ZFHX3: variants seen among roughly 807,000 people sequenced by gnomAD.
ZFHX3 encodes the protein zinc finger homeobox 3.
In ZFHX3, 42 loss-of-function variants were observed where a neutral mutation model predicts 279.1. The ratio of observed to expected loss-of-function variants is 0.15; its 90% CI spans 0.12 to 0.19. ZFHX3 has a LOEUF of 0.19. ZFHX3 is among the 10% of genes least tolerant of loss of function. The pLI, the probability that ZFHX3 is intolerant of heterozygous loss-of-function variation, is 1.00. For synonymous variants in ZFHX3, 2,293 were observed against 1,957.8 expected (o/e 1.17, Z -4.52); for missense variants, 4,981 against 4,754.0 (o/e 1.05, Z -1.40).
At chr16:73,419,894 T>G (rs1385943044) in intron 3 of ZFHX3, among the ~76,000 whole-genome samples, 1 of 150,876 alleles carries the variant, frequency 6.6e-6, no homozygotes, top group Non-Finnish European at 1.5e-5. Flanking sequence ...AACATATATA[T>G]ATATAGATAG....
intron 2 of ZFHX3, among the ~76,000 whole-genome samples, chr16:73,521,314 G>T (rs751079166): frequency 6.6e-6 from 1 of 152,144 alleles, no homozygotes; most frequent in Non-Finnish European, 1.5e-5. Context: ...AAAGGGTTTA[G>T]AATGGAGTTT....
intron 1 of ZFHX3, among the ~76,000 whole-genome samples, chr16:73,887,107 T>C (rs1411526030): frequency 3.9e-5 from 6 of 152,168 alleles, no homozygotes; most frequent in Non-Finnish European, 8.8e-5. Context: ...AAAATTGGGA[T>C]TGGGCGATGG....
intron 2 of ZFHX3, among the ~76,000 whole-genome samples, chr16:73,482,790 C>A (rs1490084187): frequency 6.6e-6 from 1 of 152,168 alleles, no homozygotes; most frequent in Non-Finnish European, 1.5e-5. Context: ...ACCATTAGCT[C>A]AGTATTATTT....
At chr16:73,032,865 A>G (rs1471383351) in intron 1 of ZFHX3, among the ~76,000 whole-genome samples, 1 of 152,198 alleles carries the variant, frequency 6.6e-6, no homozygotes, top group Admixed American at 6.5e-5. Flanking sequence ...CTTTAAGCAT[A>G]TAAAACCGGA....
intron 3 of ZFHX3, among the ~76,000 whole-genome samples, chr16:72,900,121 A>G (rs1000876848): frequency 5.5e-5 from 7 of 127,262 alleles, no homozygotes; most frequent in Admixed American, 4.5e-4. Context: ...CCAAAGCTTA[A>G]GCCCATGCCC....
intron 3 of ZFHX3, among the ~76,000 whole-genome samples, chr16:73,335,969 T>G (rs1005849936): frequency 6.6e-6 from 1 of 152,230 alleles, no homozygotes; most frequent in Non-Finnish European, 1.5e-5. Flanking sequence ...ACAGATTCTT[T>G]TTCTTCTAGT....
intron 2 of ZFHX3, among the ~76,000 whole-genome samples, chr16:73,513,904 T>C (rs1028386757): frequency 6.6e-6 from 1 of 151,962 alleles, no homozygotes; most frequent in African/African-American, 2.4e-5. Context: ...CTATGCCAGA[T>C]GATTAGTTTC....
rs140213147 is a variant in ZFHX3, at chr16:73,300,534, C to G, written c.-1194+17706G>C. On this transcript the variant is annotated intron_variant, in intron 4 of 17. Transcript: ENST00000641206. ...CTTTTTTTTTTTTTGGACAGAATCT[C>G]ACTCTGTCACCCAGGCTGGAATGCA... is the stretch of plus-strand genomic sequence containing the variant. Among the ~76,000 whole-genome samples the G allele has an allele frequency of 6.5e-3, 983 of 151,410 alleles. 13 individuals carry two copies. Among genetic ancestry groups the G allele is most frequent in the African/African-American group, 0.022 (920 of 41,252 alleles).
At chr16:73,487,193 C>T (rs541333941) in intron 2 of ZFHX3, among the ~76,000 whole-genome samples, 2 of 152,194 alleles carry the variant, frequency 1.3e-5, no homozygotes, top group South Asian at 4.1e-4. Flanking sequence ...AGAGGATTCC[C>T]GAGTGGAGGT....
intron 4 of ZFHX3, among the ~76,000 whole-genome samples, chr16:72,879,652 C>T (rs574938496): frequency 2.6e-5 from 4 of 152,130 alleles, no homozygotes; most frequent in Non-Finnish European, 5.9e-5. Context: ...TCTCCAATAC[C>T]TGAGCTCTAG....
chr16:73,726,426 T>C lies in ZFHX3; in HGVS notation c.-1607-46186A>G, dbSNP rs558562612. Among the ~76,000 whole-genome samples the C allele has an allele frequency of 4.6e-5, 7 of 152,328 alleles. No homozygotes were observed. In the South Asian group the frequency reaches 1.5e-3, roughly 32 times the overall value. ...GCAATATGGCATTTTGGGCCAGACA[T>C]GCCTTTGCTGTGGGGATTGTCCTAT... On this transcript the variant is annotated intron_variant, in intron 1 of 17. Transcript: ENST00000641206.
intron 5 of ZFHX3, among the ~76,000 whole-genome samples, chr16:73,168,211 T>TTTTCTTTCTC (rs1967424271): frequency 2.1e-5 from 2 of 95,312 alleles, no homozygotes; most frequent in African/African-American, 8.0e-5. Context: ...GTTTCTTTTG[T>TTTTCTTTCTC]TTTCTTTCTT....
rs538875252 is a variant in ZFHX3 at position 72,901,076 on chromosome 16, TA to T, written c.3217-11115del. 4.0e-3 allele frequency among the ~76,000 whole-genome samples: 612 copies of T among 152,338 alleles called. 6 individuals carry two copies. The highest frequency in any genetic ancestry group is 0.024 in the Middle Eastern group (7 of 294). On this transcript the variant is annotated intron_variant, in intron 3 of 9. Transcript: ENST00000268489. ...CTACTGGCCTGCTCCAGATACTTCA[TA>T]AAAGTCAGAATTGGCTCTATTCATC...
intron 3 of ZFHX3, among the ~76,000 whole-genome samples, chr16:73,331,287 T>C (rs1321201110): frequency 6.6e-6 from 1 of 152,138 alleles, no homozygotes; most frequent in Non-Finnish European, 1.5e-5. Context: ...GTCCCTCCCA[T>C]GACATGTGGG....
At chr16:73,620,819 TC>T (rs2052351566) in intron 2 of ZFHX3, among the ~76,000 whole-genome samples, 3 of 152,130 alleles carry the variant, frequency 2.0e-5, no homozygotes, top group Admixed American at 1.3e-4. Flanking sequence ...TCAAAACAGG[TC>T]AACATTCAAA....
chr16:73,163,346 G>C (rs1967284755), intron 5 of ZFHX3, among the ~76,000 whole-genome samples: 1 of 152,214 alleles, frequency 6.6e-6, no homozygotes, highest in African/African-American at 2.4e-5. Context: ...CACTGGGAAA[G>C]GGACTTAATA....
At chr16:72,902,289 G>A (rs962486001) in intron 3 of ZFHX3, among the ~76,000 whole-genome samples, 1 of 152,196 alleles carries the variant, frequency 6.6e-6, no homozygotes, top group African/African-American at 2.4e-5. Context: ...AATCAGGTCT[G>A]ATCAATCTGT....
At chr16:73,643,952 G>A (rs2052595721) in intron 2 of ZFHX3, among the ~76,000 whole-genome samples, 1 of 152,016 alleles carries the variant, frequency 6.6e-6, no homozygotes, top group African/African-American at 2.4e-5. Context: ...AAACAGTATT[G>A]CTATCAGCTT....
At chr16:73,466,501 C>T (rs922184388) in intron 2 of ZFHX3, among the ~76,000 whole-genome samples, 1 of 152,112 alleles carries the variant, frequency 6.6e-6, no homozygotes, top group Non-Finnish European at 1.5e-5. Flanking sequence ...ATCACCATCA[C>T]CACCAAAACC....
Sources: allele counts gnomAD v4.1 joint callset (sites outside exome capture counted in the v4.1 genomes callset), GRCh38; gene constraint gnomAD v4.1.1; transcripts MANE v1.5; gene names NCBI Gene and HGNC (gene_info 2026-07-23, HGNC 2026-07-21).